Variants in AASDH observed in about 807,000 individuals in gnomAD.
The protein encoded by AASDH is aminoadipate-semialdehyde dehydrogenase.
AASDH carries 81 observed loss-of-function variants against 102.3 expected under a neutral mutation model. That is an observed-to-expected ratio of 0.79 (90% CI 0.66 to 0.95). The LOEUF is 0.95. AASDH is among the 40% of genes least tolerant of loss of function. The pLI is 0.00. For missense variants in AASDH, 1,203 were observed against 1,266.2 expected (o/e 0.95, Z 0.76); for synonymous variants, 398 against 454.0 (o/e 0.88, Z 1.57).
chr4:56,351,224 C>G, intron 10 of AASDH, 118 bp downstream of exon 10: 1 of 636,242 alleles, frequency 1.6e-6, no homozygotes, highest in Non-Finnish European at 2.7e-6. Flanking sequence ...TACTACCTAA[C>G]ATCTGGGTAG....
chr4:56,345,903 A>G (rs530625979), intron 11 of AASDH, among the ~76,000 whole-genome samples: 1 of 152,362 alleles, frequency 6.6e-6, no homozygotes, highest in East Asian at 1.9e-4. Flanking sequence ...ATAGATAACA[A>G]AATTGAAGCA....
At chr4:56,351,318 A>C in intron 10 of AASDH, 24 bp downstream of exon 10, 1 of 1,414,444 alleles carries the variant, frequency 7.1e-7, no homozygotes, top group Non-Finnish European at 9.9e-7. Context: ...TTATAATAAT[A>C]ATTTTATAAC....
At chr4:56,363,295 G>C (rs1230319403) in intron 5 of AASDH, among the ~76,000 whole-genome samples, 1 of 152,208 alleles carries the variant, frequency 6.6e-6, no homozygotes, top group East Asian at 1.9e-4. Context: ...CCACCTCTGG[G>C]GGCAGGGCAC....
intron 5 of AASDH, among the ~76,000 whole-genome samples, chr4:56,360,583 A>G (rs1203774159): frequency 2.0e-5 from 3 of 152,144 alleles, no homozygotes; most frequent in Non-Finnish European, 4.4e-5. Context: ...AGATTGCTAT[A>G]TGTCTTTGGT....
intron 6 of AASDH, 107 bp downstream of exon 6, chr4:56,355,075 C>A (rs1010630395): frequency 3.1e-5 from 41 of 1,308,088 alleles, no homozygotes; most frequent in Non-Finnish European, 3.9e-5. Context: ...CAGATACAAT[C>A]GTGTTTCTAA....
rs1015027150 is a variant in AASDH at position 56,371,454 on chromosome 4, C to A, written c.858G>T (p.Leu286Phe). 1.9e-6 allele frequency: 3 copies of A among 1,598,686 alleles called. No homozygotes were observed. Among genetic ancestry groups the A allele is most frequent in the Non-Finnish European group, 1.7e-6 (2 of 1,176,572 alleles). Residue 286 changes from leucine (L) to phenylalanine (F), a missense_variant, in exon 5 of 15, where the codon TTG (leucine) becomes TTT (phenylalanine). Leu to Phe is a conservative substitution (Grantham distance 22). Coordinates refer to ENST00000205214, the MANE Select transcript of AASDH (RefSeq NM_181806.4). ...VLFSHHRVTV[L>F]QATPTLLRRF... is the part of the protein sequence containing the mutation. Reference sequence around the variant, plus strand: ...GTTCATTGCTACTAAAATGTACCTGCAAAACAGTCACTCTATGATGGGAAA... The same window carrying A: ...GTTCATTGCTACTAAAATGTACCTGAAAAACAGTCACTCTATGATGGGAAA...
chr4:56,354,153 C>T lies in AASDH; in HGVS notation c.1269G>A (p.Met423Ile). ...CAGTCACAAAGTCTCCTGTAGCTCG[C>T]ATTGTGCCAAGTGGTACTGTCACTT... The part of the protein sequence containing the change: ...DDEVTVPLGT[M>I]RATGDFVTVK... Residue 423 changes from methionine to isoleucine, a missense_variant, in exon 8 of 15, where the codon ATG becomes ATA. By Grantham distance (10) the Met-to-Ile change is conservative. Coordinates refer to ENST00000205214, the MANE Select transcript of AASDH (RefSeq NM_181806.4). The T allele has an allele frequency of 6.2e-7, 1 of 1,612,386 alleles. No homozygotes were observed. Among genetic ancestry groups the T allele is most frequent in the Non-Finnish European group, 8.5e-7 (1 of 1,178,954 alleles).
At chr4:56,373,725 A>G (rs936279462) in intron 4 of AASDH, among the ~76,000 whole-genome samples, 1 of 152,194 alleles carries the variant, frequency 6.6e-6, no homozygotes, top group African/African-American at 2.4e-5. Flanking sequence ...TTCAGGGGAG[A>G]GCAAACTTTC....
chr4:56,364,951 A>G (rs1750798959), intron 5 of AASDH, among the ~76,000 whole-genome samples: 4 of 152,198 alleles, frequency 2.6e-5, no homozygotes, highest in Admixed American at 2.6e-4. Context: ...AAGACCCATC[A>G]GTGTGCTGTA....
intron 9 of AASDH, among the ~76,000 whole-genome samples, chr4:56,352,809 G>A (rs1326473351): frequency 1.3e-5 from 2 of 152,132 alleles, no homozygotes; most frequent in Non-Finnish European, 2.9e-5. Flanking sequence ...GACACAGACT[G>A]GATACAGCAC....
chr4:56,371,136 C>G (rs1347025776), intron 5 of AASDH, among the ~76,000 whole-genome samples: 3 of 152,132 alleles, frequency 2.0e-5, no homozygotes, highest in African/African-American at 7.2e-5. Context: ...AGAAACACAA[C>G]ATACATAGAT....
At chr4:56,370,577 C>T (rs181598399) in intron 5 of AASDH, among the ~76,000 whole-genome samples, 178 of 152,160 alleles carry the variant, frequency 1.2e-3, no homozygotes, top group Middle Eastern at 6.8e-3. Context: ...ATGAAAAGAC[C>T]GCAGTCTAAT....
chr4:56,359,567 CT>C (rs747919163), intron 5 of AASDH, among the ~76,000 whole-genome samples: 3 of 132,964 alleles, frequency 2.3e-5, no homozygotes, highest in African/African-American at 5.7e-5. Context: ...GCCTTATGTT[CT>C]TTTTTTTTGA....
intron 11 of AASDH, among the ~76,000 whole-genome samples, chr4:56,347,208 T>C (rs1748430372): frequency 2.0e-5 from 3 of 152,106 alleles, no homozygotes; most frequent in Admixed American, 6.5e-5. Flanking sequence ...TTTTCACACA[T>C]TGATGGTGGA....
chr4:56,366,024 A>C (rs1334770222), intron 5 of AASDH, among the ~76,000 whole-genome samples: 1 of 152,204 alleles, frequency 6.6e-6, no homozygotes, highest in Non-Finnish European at 1.5e-5. Flanking sequence ...GCAATAAAAA[A>C]TGACAAAGGG....
chr4:56,379,853 G>A (rs13150967), intron 3 of AASDH, among the ~76,000 whole-genome samples: 54,387 of 151,940 alleles, frequency 0.36, 10,249 homozygotes, highest in Non-Finnish European at 0.43. Context: ...TTCCAATTAA[G>A]GTAAAGAACG....
intron 5 of AASDH, among the ~76,000 whole-genome samples, chr4:56,364,695 C>T (rs2109942611): frequency 6.6e-6 from 1 of 152,288 alleles, no homozygotes. Flanking sequence ...ACCAGGCCTG[C>T]CCTAAAAGAG....
At chr4:56,376,794 A>G (rs147802236) in intron 4 of AASDH, among the ~76,000 whole-genome samples, 2,421 of 152,280 alleles carry the variant, frequency 0.016, 74 homozygotes, top group African/African-American at 0.055. Context: ...TTTGCCGGGC[A>G]CGGTGGCTCA....
intron 5 of AASDH, 133 bp downstream of exon 5, chr4:56,371,318 G>T: frequency 1.2e-6 from 1 of 866,914 alleles, no homozygotes; most frequent in Non-Finnish European, 1.7e-6. Context: ...CACATCCTGA[G>T]GAGACGGCCC....
Sources: allele counts gnomAD v4.1 joint callset (sites outside exome capture counted in the v4.1 genomes callset), GRCh38; gene constraint gnomAD v4.1.1; transcripts MANE v1.5; gene names NCBI Gene and HGNC (gene_info 2026-07-23, HGNC 2026-07-21).